DISC1: variants seen among roughly 807,000 people sequenced by gnomAD.
DISC1 encodes the protein DISC1 scaffold protein.
Under a neutral mutation model 84.5 loss-of-function variants are expected in DISC1, and 57 were observed. That is an observed-to-expected ratio of 0.67 (90% CI 0.55 to 0.84). DISC1 has a LOEUF of 0.84. Among genes scored for constraint, DISC1 ranks in the 40% least tolerant of loss-of-function variants. DISC1 has a pLI of 0.00. For synonymous variants in DISC1, 411 were observed against 415.2 expected (o/e 0.99, Z 0.12); for missense variants, 1,000 against 1,057.8 (o/e 0.95, Z 0.76).
chr1:231,678,502 A>G (rs2063370080), intron 1 of DISC1, among the ~76,000 whole-genome samples: 1 of 152,226 alleles, frequency 6.6e-6, no homozygotes, highest in Admixed American at 6.5e-5. Context: ...CATGTTCTCC[A>G]ATCTTTCCAA....
At chr1:231,717,231 TCTCGGAAATAAAAAC>T (rs1183174341) in intron 3 of DISC1, among the ~76,000 whole-genome samples, 1 of 152,158 alleles carries the variant, frequency 6.6e-6, no homozygotes. Flanking sequence ...TTCCTGCAAG[TCTCGGAAATAAAAAC>T]CTTTATGGTA....
At chr1:231,863,531 TA>T (rs2084834945) in intron 9 of DISC1, among the ~76,000 whole-genome samples, 1 of 152,090 alleles carries the variant, frequency 6.6e-6, no homozygotes, top group South Asian at 2.1e-4. Flanking sequence ...GCGCCTGGCC[TA>T]AAACATTCTT....
chr1:231,717,941 C>T (rs1244353639), intron 3 of DISC1, among the ~76,000 whole-genome samples: 1 of 152,174 alleles, frequency 6.6e-6, no homozygotes, highest in African/African-American at 2.4e-5. Flanking sequence ...CACCATCCCT[C>T]TAGAAGTTCC....
chr1:232,027,245 A>G (rs1285881898), intron 12 of DISC1, among the ~76,000 whole-genome samples: 2 of 152,160 alleles, frequency 1.3e-5, no homozygotes, highest in Non-Finnish European at 2.9e-5. Context: ...CCACCTCTGA[A>G]TTTCTTTATC....
intron 1 of DISC1, among the ~76,000 whole-genome samples, chr1:231,660,239 T>G (rs1013637034): frequency 1.3e-5 from 2 of 152,198 alleles, no homozygotes; most frequent in Non-Finnish European, 2.9e-5. Context: ...CTTCTTTATA[T>G]TTTTTGATCT....
chr1:231,911,246 G>A (rs1449658987), intron 9 of DISC1, among the ~76,000 whole-genome samples: 3 of 152,126 alleles, frequency 2.0e-5, no homozygotes, highest in Non-Finnish European at 4.4e-5. Flanking sequence ...TTTGCTCGTT[G>A]GTTGATGCAG....
intron 6 of DISC1, among the ~76,000 whole-genome samples, chr1:231,786,292 T>G (rs1484626350): frequency 6.6e-6 from 1 of 152,228 alleles, no homozygotes; most frequent in Non-Finnish European, 1.5e-5. Flanking sequence ...ATTTTGCAAC[T>G]GAGAAGATGG....
rs1670678714 is a variant in DISC1 at position 232,039,144 on chromosome 1, C to G, written c.*2313C>G. 6.6e-6 allele frequency: 1 copy of G among 152,142 alleles called. No individual in the cohort carries two copies. The allele number at this position is 152,142 out of a possible 1,614,324, so 9.4% of individuals were successfully genotyped here. On this transcript the variant is annotated 3_prime_UTR_variant, in exon 13 of 13. Coordinates refer to ENST00000439617, the MANE Select transcript of DISC1 (RefSeq NM_018662.3). ...ATTCCTGAATTATTTATAATTGTGT[C>G]TAAAGAAAATTATGAACTGGTCACA... is the stretch of plus-strand genomic sequence containing the variant.
chr1:232,013,510 G>A (rs1668212688), intron 11 of DISC1, among the ~76,000 whole-genome samples: 1 of 127,272 alleles, frequency 7.9e-6, no homozygotes, highest in South Asian at 2.5e-4. Context: ...ACAAAAACAA[G>A]TTAACGAGAA....
rs79059399 is a variant in DISC1 at position 231,644,182 on chromosome 1, C to A, written c.67+17248C>A. 5.2e-4 allele frequency among the ~76,000 whole-genome samples: 79 copies of A among 152,248 alleles called. 1 individual carries two copies. The East Asian group carries it at 0.014, about 27-fold the overall frequency. On this transcript the variant is annotated intron_variant, in intron 1 of 12. Coordinates refer to ENST00000439617, the MANE Select transcript of DISC1 (RefSeq NM_018662.3). ...AGTCAGAGGAGCAATTTTGCTATTG[C>A]CCAAATTCTACATTTTCACTAGGAT... is the stretch of plus-strand genomic sequence containing the variant.
At chr1:231,841,095 C>A (rs1057183467) in intron 9 of DISC1, among the ~76,000 whole-genome samples, 1 of 152,096 alleles carries the variant, frequency 6.6e-6, no homozygotes. Flanking sequence ...TGACATGATG[C>A]TCAAAGGAAA....
At chr1:231,762,518 T>G (rs1170981686) in intron 4 of DISC1, among the ~76,000 whole-genome samples, 22 of 135,456 alleles carry the variant, frequency 1.6e-4, no homozygotes, top group Non-Finnish European at 2.7e-4. Flanking sequence ...TGTTTTGTTT[T>G]TTTTTTTTTT....
At chr1:231,743,933 G>A (rs1323361084) in intron 3 of DISC1, among the ~76,000 whole-genome samples, 1 of 152,188 alleles carries the variant, frequency 6.6e-6, no homozygotes, top group Non-Finnish European at 1.5e-5. Flanking sequence ...CCAGGTGTGT[G>A]CCTTGGGAAT....
chr1:231,748,382 A>G (rs1276019097), intron 3 of DISC1, among the ~76,000 whole-genome samples: 1 of 152,230 alleles, frequency 6.6e-6, no homozygotes, highest in Non-Finnish European at 1.5e-5. Flanking sequence ...TTTGTCAGAT[A>G]TGCCATTTAT....
rs2063058998 is a variant in DISC1, at chr1:231,675,560, G to C, written c.68-18266G>C. Among the ~76,000 whole-genome samples the C allele has an allele frequency of 1.3e-5, 2 of 152,148 alleles. No homozygotes were observed. The highest frequency in any genetic ancestry group is 1.3e-4 in the Admixed American group (2 of 15,270). On this transcript the variant is annotated intron_variant, in intron 1 of 12. Transcript: ENST00000439617. This position sits in a 1 kb window ranked among gnomAD's most constrained non-coding sequence, Gnocchi z 4.1. ...TTTACTCTCAAAATTTCCTGGGCTA[G>C]TAGGTCTCTCAAGGTGGCTGAGAGA...
At chr1:231,883,830 C>T (rs544683388) in intron 9 of DISC1, among the ~76,000 whole-genome samples, 1 of 152,234 alleles carries the variant, frequency 6.6e-6, no homozygotes, top group South Asian at 2.1e-4. Context: ...ATGATGCGTT[C>T]AGGGTTAGCC....
chr1:231,886,673 A>G (rs2086699652), intron 9 of DISC1, among the ~76,000 whole-genome samples: 1 of 152,230 alleles, frequency 6.6e-6, no homozygotes, highest in African/African-American at 2.4e-5. Context: ...CCAAAAGCCA[A>G]TAAAACAGGA....
At chr1:231,690,436 A>C (rs1252669659) in intron 1 of DISC1, among the ~76,000 whole-genome samples, 4 of 152,128 alleles carry the variant, frequency 2.6e-5, no homozygotes. Context: ...CGGGTCTCAA[A>C]ACCTGCCTGC....
At chr1:231,689,993 A>G (rs2064792080) in intron 1 of DISC1, among the ~76,000 whole-genome samples, 1 of 152,202 alleles carries the variant, frequency 6.6e-6, no homozygotes, top group African/African-American at 2.4e-5. Flanking sequence ...AGATGAAGGG[A>G]GAACATAAGA....
Sources: gnomAD v4.1 joint callset for allele counts (sites outside exome capture counted in the v4.1 genomes callset) on GRCh38, gnomAD v4.1.1 for gene constraint, Gnocchi (gnomAD v3.1) non-coding constraint, MANE v1.5 for transcripts, NCBI Gene and HGNC (gene_info 2026-07-23, HGNC 2026-07-21) for gene names.